PRDM16: variants seen among roughly 807,000 people sequenced by gnomAD.
PRDM16 encodes histone-lysine N-methyltransferase PRDM16.
Under a neutral mutation model 110.6 loss-of-function variants are expected in PRDM16, and 23 were observed. The ratio of observed to expected loss-of-function variants is 0.21; its 90% confidence interval spans 0.15 to 0.29. The LOEUF (loss-of-function observed/expected upper bound fraction) is 0.29, where lower values mean the gene tolerates loss of function less well. PRDM16 is among the 10% of genes least tolerant of loss of function. The probability of loss-of-function intolerance (pLI) is 1.00; values close to 1 mark genes in which losing one functional copy is unlikely to be tolerated. For synonymous variants in PRDM16, 799 were observed against 781.8 expected, an observed-to-expected ratio of 1.02 and a Z score of -0.37; for missense variants, 1,615 against 1,794.3, an observed-to-expected ratio of 0.90 and a Z score of 1.81.
At chr1:3,311,662 A>G (rs529950496) in intron 3 of PRDM16, among the ~76,000 whole-genome samples, 1 of 152,290 alleles carries the variant, frequency 6.6e-6, no homozygotes, top group East Asian at 1.9e-4. Flanking sequence ...ACAGCCAGAA[A>G]AGGCGAGAGC....
intron 1 of PRDM16, among the ~76,000 whole-genome samples, chr1:3,142,352 G>A (rs1569670323): frequency 1.3e-5 from 2 of 152,376 alleles, no homozygotes; most frequent in African/African-American, 4.8e-5. Flanking sequence ...CCTGTCCCGG[G>A]GGTGCGGTGG....
At chr1:3,355,328 C>T (rs1356940127) in intron 3 of PRDM16, among the ~76,000 whole-genome samples, 3 of 152,174 alleles carry the variant, frequency 2.0e-5, no homozygotes, top group African/African-American at 7.2e-5. Flanking sequence ...CACACCCACC[C>T]ACCCACCATC....
intron 3 of PRDM16, chr1:3,307,566 G>A (rs1010600674): frequency 6.6e-5 from 10 of 152,230 alleles, no homozygotes; most frequent in Admixed American, 6.5e-4. Context: ...GGGATGAGAG[G>A]TTGGTCAGGG....
chr1:3,121,526 G>A (rs1441155287), intron 1 of PRDM16, among the ~76,000 whole-genome samples: 3 of 152,370 alleles, frequency 2.0e-5, no homozygotes, highest in East Asian at 1.9e-4. Context: ...GACTCCGAAC[G>A]TCGCCTGCCT....
intron 1 of PRDM16, 42 bp from the exon 2 acceptor site, chr1:3,186,083 G>T: frequency 6.6e-7 from 1 of 1,512,956 alleles, no homozygotes; most frequent in Non-Finnish European, 9.2e-7. Flanking sequence ...ACACTGGGTG[G>T]GGCACGTGCT....
chr1:3,096,581 A>C (rs2788097), intron 1 of PRDM16, among the ~76,000 whole-genome samples: 99,793 of 152,032 alleles, frequency 0.66, 33,976 homozygotes, highest in African/African-American at 0.85. Flanking sequence ...GCTGGGGCAC[A>C]TTCCCTCCCT....
chr1:3,322,358 C>T (rs1368896511), intron 3 of PRDM16, among the ~76,000 whole-genome samples: 1 of 152,254 alleles, frequency 6.6e-6, no homozygotes, highest in South Asian at 2.1e-4. Flanking sequence ...ATTTTCTTCC[C>T]CTCCGGAGCC....
intron 3 of PRDM16, among the ~76,000 whole-genome samples, chr1:3,372,822 C>G (rs532306512): frequency 6.6e-6 from 1 of 152,318 alleles, no homozygotes; most frequent in East Asian, 1.9e-4. Flanking sequence ...TCCCACCCTC[C>G]TCCAGAGCCT....
At chr1:3,104,911 C>T (rs1157643420) in intron 1 of PRDM16, among the ~76,000 whole-genome samples, 1 of 152,142 alleles carries the variant, frequency 6.6e-6, no homozygotes, top group Non-Finnish European at 1.5e-5. Context: ...AACACCCACC[C>T]GGAGGTAGGG....
Position 3,186,220 on chromosome 1 carries a change from C to A in PRDM16, c.133C>A (p.Pro45Thr), listed in dbSNP as rs550755189. 1.2e-6 allele frequency: 2 copies of A among 1,612,736 alleles called. No individual in the cohort carries two copies. The highest frequency in any genetic ancestry group is 2.7e-5 in the African/African-American group (2 of 75,028). Reference protein sequence around the residue: ...EDEAEDSAMSPIPVGPPSPFP... With the variant: ...EDEAEDSAMSTIPVGPPSPFP... ...CGAGGCCGAGGACAGTGCCATGTCG[C>A]CCATCCCCGTGGGGCCACCGTCCCC... Residue 45 changes from proline (P) to threonine (T), a missense_variant, in exon 2 of 17, where the codon CCC becomes ACC. Physicochemically the swap from Pro to Thr is conservative, Grantham distance 38. Around this residue, in one of 5 missense-constraint regions of PRDM16, gnomAD observed 416 missense variants for 467.1 expected, o/e 0.89. Coordinates refer to ENST00000270722, the MANE Select transcript of PRDM16 (RefSeq NM_022114.4).
chr1:3,298,240 CA>C (rs1326915953), intron 3 of PRDM16, among the ~76,000 whole-genome samples: 1 of 152,242 alleles, frequency 6.6e-6, no homozygotes, highest in Non-Finnish European at 1.5e-5. Flanking sequence ...CTTTCCTCCG[CA>C]AATGCACCTC....
chr1:3,380,846 T>C (rs1463291046), intron 3 of PRDM16, among the ~76,000 whole-genome samples: 2 of 152,168 alleles, frequency 1.3e-5, no homozygotes, highest in Non-Finnish European at 2.9e-5. Context: ...AACAATACAC[T>C]GGCTGCCTAG....
intron 3 of PRDM16, among the ~76,000 whole-genome samples, chr1:3,287,773 C>T (rs1269677753): frequency 1.4e-5 from 2 of 143,384 alleles, no homozygotes; most frequent in Non-Finnish European, 3.0e-5. Flanking sequence ...TCGAGGATTG[C>T]ATTTACCGGG....
At chr1:3,401,488 C>T (rs1183224333) in intron 5 of PRDM16, among the ~76,000 whole-genome samples, 1 of 152,172 alleles carries the variant, frequency 6.6e-6, no homozygotes, top group South Asian at 2.1e-4. Context: ...TGCATACACA[C>T]ATCACATGCA....
chr1:3,230,415 G>A lies in PRDM16; in HGVS notation c.388-13672G>A, dbSNP rs77779536. On this transcript the variant is annotated intron_variant, in intron 2 of 16. Transcript: ENST00000270722. ...GAAGCTCAGTTAGCGCCGGACTCACGGCCACCAGACCTGCCCCAGAGAAGA... is the reference window on the plus strand; with the variant it reads ...GAAGCTCAGTTAGCGCCGGACTCACAGCCACCAGACCTGCCCCAGAGAAGA... Among the ~76,000 whole-genome samples the A allele has an allele frequency of 6.2e-3, 942 of 152,270 alleles. 5 individuals carry two copies. Among genetic ancestry groups the A allele is most frequent in the South Asian group, 0.017 (82 of 4,822 alleles).
At chr1:3,146,272 G>T (rs964296704) in intron 1 of PRDM16, among the ~76,000 whole-genome samples, 1 of 152,350 alleles carries the variant, frequency 6.6e-6, no homozygotes, top group Admixed American at 6.5e-5. Context: ...CTGGGGTGGG[G>T]GGGGCCTCCC....
intron 2 of PRDM16, among the ~76,000 whole-genome samples, chr1:3,193,553 C>T (rs1638374227): frequency 6.6e-6 from 1 of 152,232 alleles, no homozygotes; most frequent in African/African-American, 2.4e-5. Context: ...CCTCCGCACT[C>T]TCCATCCCAT....
In PRDM16 at chr1:3,430,735, G is replaced by T. The variant is rs150640450; in HGVS notation, c.3285-137G>T. ...AGTCAGTGGCTGGGCCCAGGGACCCGCGGGAGCTCCCTCAGGAAGGGGGCT... is the reference window on the plus strand; with the variant it reads ...AGTCAGTGGCTGGGCCCAGGGACCCTCGGGAGCTCCCTCAGGAAGGGGGCT... On this transcript the variant is annotated intron_variant, in intron 14 of 16. Transcript: ENST00000270722. 3.5e-4 allele frequency: 369 copies of T among 1,049,500 alleles called. 5 individuals carry two copies. The South Asian group carries it at 5.0e-3, about 14-fold the overall frequency. 65.0% of individuals were successfully genotyped at this position (1,049,500 alleles called of 1,614,324 possible).
chr1:3,327,475 C>A (rs1570080790), intron 3 of PRDM16, among the ~76,000 whole-genome samples: 1 of 152,224 alleles, frequency 6.6e-6, no homozygotes, highest in African/African-American at 2.4e-5. Flanking sequence ...ACGCTCATCC[C>A]ACGGTCAGGA....
Sources: gnomAD v4.1 joint callset for allele counts (sites outside exome capture counted in the v4.1 genomes callset) on GRCh38, gnomAD v4.1.1 for gene constraint, gnomAD v4.1.1 regional missense constraint, MANE v1.5 for transcripts, NCBI Gene and HGNC (gene_info 2026-07-23, HGNC 2026-07-21) for gene names.